GRIN2A: variants seen among roughly 807,000 people sequenced by gnomAD.
The protein encoded by GRIN2A is glutamate ionotropic receptor NMDA type subunit 2A, also known as glutamate receptor ionotropic, NMDA 2A.
Under a neutral mutation model 113.4 loss-of-function variants are expected in GRIN2A, and 22 were observed. The ratio of observed to expected loss-of-function variants is 0.19; its 90% CI spans 0.14 to 0.28. GRIN2A has a LOEUF of 0.28. Among genes scored for constraint, GRIN2A ranks in the 10% least tolerant of loss-of-function variants. The pLI is 1.00. For synonymous variants in GRIN2A, 827 were observed against 738.4 expected (o/e 1.12, Z -1.94); for missense variants, 1,502 against 1,887.0 (o/e 0.80, Z 3.78).
At chr16:9,779,947 T>TCAAAGAACCCGAGTCG (rs1901844877) in intron 11 of GRIN2A, among the ~76,000 whole-genome samples, 1 of 152,206 alleles carries the variant, frequency 6.6e-6, no homozygotes, top group African/African-American at 2.4e-5. Flanking sequence ...TGTACTGACA[T>TCAAAGAACCCGAGTCG]TAAATCTGAG....
At chr16:10,134,973 C>T (rs553401241) in intron 2 of GRIN2A, among the ~76,000 whole-genome samples, 60 of 152,172 alleles carry the variant, frequency 3.9e-4, no homozygotes, top group Non-Finnish European at 6.5e-4. Context: ...CCTTTCCTAA[C>T]ATGCTTTCCT....
intron 2 of GRIN2A, among the ~76,000 whole-genome samples, chr16:10,001,202 A>G (rs2046314204): frequency 6.6e-6 from 1 of 152,116 alleles, no homozygotes; most frequent in South Asian, 2.1e-4. Flanking sequence ...CTGAGATTCT[A>G]TGAGTCTATA....
chr16:10,129,684 A>ACC (rs2049022575), intron 2 of GRIN2A, among the ~76,000 whole-genome samples: 1 of 152,212 alleles, frequency 6.6e-6, no homozygotes, highest in East Asian at 1.9e-4. Context: ...TATAAGCAGG[A>ACC]GATTATGGTG....
rs550529181 is a variant in GRIN2A at position 10,075,156 on chromosome 16, C to T, written c.414+104842G>A. On this transcript the variant is annotated intron_variant, in intron 2 of 12. Transcript: ENST00000330684. ...CTATGCAGTTTCCTCATCTGCATGTCGGGGAATATAATGGTATCCAGTACC... is the reference window on the plus strand; with the variant it reads ...CTATGCAGTTTCCTCATCTGCATGTTGGGGAATATAATGGTATCCAGTACC... Among the ~76,000 whole-genome samples the T allele has an allele frequency of 5.3e-5, 8 of 152,084 alleles. No homozygotes were observed. In the South Asian group the frequency reaches 8.3e-4, roughly 16 times the overall value.
intron 10 of GRIN2A, among the ~76,000 whole-genome samples, chr16:9,818,895 T>C (rs2042231832): frequency 6.6e-6 from 1 of 152,214 alleles, no homozygotes. Context: ...CTACACTGAA[T>C]GTGACGCAAT....
At chr16:9,775,392 T>C (rs984002550) in intron 11 of GRIN2A, among the ~76,000 whole-genome samples, 4 of 152,190 alleles carry the variant, frequency 2.6e-5, no homozygotes, top group African/African-American at 7.2e-5. Context: ...CATTCACTCA[T>C]TGAAAAGAGA....
chr16:9,812,586 T>C (rs1169071800), intron 10 of GRIN2A, among the ~76,000 whole-genome samples: 1 of 151,830 alleles, frequency 6.6e-6, no homozygotes, highest in African/African-American at 2.4e-5. Context: ...TGCACTGAGC[T>C]GAGATAGTAC....
At chr16:9,811,825 C>T (rs1844382004) in intron 10 of GRIN2A, among the ~76,000 whole-genome samples, 1 of 152,138 alleles carries the variant, frequency 6.6e-6, no homozygotes, top group South Asian at 2.1e-4. Flanking sequence ...CAGGGAGTTC[C>T]TGCTTCTTCA....
chr16:9,840,074 T>A (rs915941298), intron 7 of GRIN2A, among the ~76,000 whole-genome samples: 1 of 152,076 alleles, frequency 6.6e-6, no homozygotes, highest in African/African-American at 2.4e-5. Context: ...GCCAAGATCA[T>A]AACACTGCAC....
chr16:9,902,552 T>A (rs939261832), intron 3 of GRIN2A, among the ~76,000 whole-genome samples: 12 of 152,216 alleles, frequency 7.9e-5, no homozygotes, highest in African/African-American at 2.9e-4. Flanking sequence ...TTTAAAAAAA[T>A]AATTTTAGCT....
At chr16:10,034,251 A>G (rs956070962) in intron 2 of GRIN2A, among the ~76,000 whole-genome samples, 1 of 152,094 alleles carries the variant, frequency 6.6e-6, no homozygotes, top group Non-Finnish European at 1.5e-5. Flanking sequence ...AGGGCCGGGC[A>G]TGGTGGCTCA....
At chr16:9,864,540 A>G (rs1476921032) in intron 4 of GRIN2A, among the ~76,000 whole-genome samples, 2 of 152,196 alleles carry the variant, frequency 1.3e-5, no homozygotes, top group Non-Finnish European at 2.9e-5. Flanking sequence ...CTAAGGAAGC[A>G]CGAGACTTCA....
chr16:9,797,344 T>C (rs948725325), intron 11 of GRIN2A, among the ~76,000 whole-genome samples: 6 of 152,180 alleles, frequency 3.9e-5, no homozygotes, highest in Non-Finnish European at 7.3e-5. Flanking sequence ...GTGTTGGCAA[T>C]TGAAAGGAAA....
intron 2 of GRIN2A, among the ~76,000 whole-genome samples, chr16:10,087,981 C>T (rs560252555): frequency 5.9e-5 from 9 of 151,862 alleles, no homozygotes; most frequent in Admixed American, 1.3e-4. Context: ...TGAGCCACCA[C>T]GCCTGGCCTT....
chr16:9,936,813 CTAG>C (rs1197963545), intron 3 of GRIN2A, among the ~76,000 whole-genome samples: 1 of 152,090 alleles, frequency 6.6e-6, no homozygotes, highest in Non-Finnish European at 1.5e-5. Flanking sequence ...ACCAGGAGCA[CTAG>C]TGTGGGAAGT....
chr16:9,890,952 C>T, intron 4 of GRIN2A, 34 bp downstream of exon 4: 1 of 1,320,332 alleles, frequency 7.6e-7, no homozygotes, highest in Non-Finnish European at 1.1e-6. Context: ...GCTTTCTTCC[C>T]TCCCCTGCAT....
In GRIN2A at chr16:10,044,005, G is replaced by GTA. The variant is rs749614491; in HGVS notation, c.415-105455_415-105454insTA. The stretch of plus-strand genomic sequence containing the variant: ...TATACACATACGTGTGTGTGTGTGT[G>GTA]TGTATATATATATATATAGAGAGAG... On this transcript the variant is annotated intron_variant, in intron 2 of 12. Coordinates refer to ENST00000330684, the MANE Select transcript of GRIN2A (RefSeq NM_001134407.3). 3.6e-4 allele frequency among the ~76,000 whole-genome samples: 36 copies of GTA among 100,280 alleles called. No individual in the cohort carries two copies. The East Asian group carries it at 7.3e-3, about 20-fold the overall frequency. The allele number at this position is 100,280 out of a possible 152,430, so 65.8% of individuals were successfully genotyped here. A position where few individuals can be genotyped will look rare whatever the true frequency, so the allele number is the denominator to read the frequency against.
intron 2 of GRIN2A, among the ~76,000 whole-genome samples, chr16:10,168,092 T>G (rs1466938008): frequency 6.6e-6 from 1 of 152,180 alleles, no homozygotes; most frequent in Non-Finnish European, 1.5e-5. Flanking sequence ...AAACACCCCA[T>G]TTCGAGATCA....
At chr16:9,869,970 C>T (rs991771843) in intron 4 of GRIN2A, among the ~76,000 whole-genome samples, 3 of 152,174 alleles carry the variant, frequency 2.0e-5, no homozygotes, top group Non-Finnish European at 4.4e-5. Context: ...ATTGTTTTTA[C>T]CAAAATTCCA....
Sources: gnomAD v4.1 joint callset for allele counts (sites outside exome capture counted in the v4.1 genomes callset) on GRCh38, gnomAD v4.1.1 for gene constraint, MANE v1.5 for transcripts, NCBI Gene and HGNC (gene_info 2026-07-23, HGNC 2026-07-21) for gene names.